The following PCNX1 variants were observed in gnomAD, a reference collection of about 807,000 sequenced individuals.
PCNX1 encodes the protein pecanex 1.
In PCNX1, 78 loss-of-function variants were observed where a neutral mutation model predicts 242.2. That is an observed-to-expected ratio of 0.32 (90% CI 0.27 to 0.39). PCNX1 has a LOEUF of 0.39. Among genes scored for constraint, PCNX1 ranks in the 10% least tolerant of loss-of-function variants. PCNX1 has a pLI of 1.00. For synonymous variants in PCNX1, 1,024 were observed against 1,032.9 expected, an observed-to-expected ratio of 0.99 and a Z score of 0.17; for missense variants, 2,581 against 2,856.5, an observed-to-expected ratio of 0.90 and a Z score of 2.20.
At chr14:70,959,383 C>T (rs1267676749) in intron 2 of PCNX1, among the ~76,000 whole-genome samples, 1 of 103,180 alleles carries the variant, frequency 9.7e-6, no homozygotes, top group Non-Finnish European at 1.8e-5. Context: ...TCCCCCCTCC[C>T]CCCACCCCAC....
In PCNX1 at chr14:71,110,000, G is replaced by T. The variant is rs1164134263; in HGVS notation, c.*65G>T. ...ATTCCAAGGCATTGGAAAAAGAGAGGAACAAGCAGAAGATGCCTGCAGGTA... is the reference window on the plus strand; with the variant it reads ...ATTCCAAGGCATTGGAAAAAGAGAGTAACAAGCAGAAGATGCCTGCAGGTA... On this transcript the variant is annotated 3_prime_UTR_variant, in exon 36 of 36. Transcript: ENST00000304743. 17 of 1,416,462 alleles carry T rather than the reference G, an allele frequency of 1.2e-5. No homozygotes were observed. The highest frequency in any genetic ancestry group is 1.7e-5 in the Non-Finnish European group (17 of 1,002,662). 87.7% of individuals were successfully genotyped at this position (1,416,462 alleles called of 1,614,324 possible).
intron 33 of PCNX1, among the ~76,000 whole-genome samples, chr14:71,105,732 A>G (rs1164624577): frequency 6.6e-6 from 1 of 151,392 alleles, no homozygotes; most frequent in Admixed American, 6.6e-5. Context: ...TAGTAGAGAC[A>G]GGGTTTCACC....
chr14:71,011,823 G>A, intron 10 of PCNX1: 1 of 351,648 alleles, frequency 2.8e-6, no homozygotes, highest in South Asian at 3.9e-5. Context: ...AGAAATGGCT[G>A]TGTTATATAT....
chr14:71,101,693 A>G (rs2062465218), intron 30 of PCNX1, among the ~76,000 whole-genome samples: 1 of 152,208 alleles, frequency 6.6e-6, no homozygotes, highest in South Asian at 2.1e-4. Context: ...ATGAATAAAG[A>G]TATGAAAAAC....
intron 13 of PCNX1, among the ~76,000 whole-genome samples, chr14:71,023,452 G>A (rs2060158982): frequency 6.6e-6 from 1 of 152,020 alleles, no homozygotes; most frequent in Non-Finnish European, 1.5e-5. Context: ...CTAAATCTTG[G>A]TTGAAAATGA....
At chr14:71,060,295 A>T (rs1341414609) in intron 26 of PCNX1, among the ~76,000 whole-genome samples, 1 of 152,210 alleles carries the variant, frequency 6.6e-6, no homozygotes, top group South Asian at 2.1e-4. Context: ...TGTACAGTAC[A>T]TAGTACTAGA....
At chr14:71,019,226 T>C in intron 12 of PCNX1, 64 bp downstream of exon 12, 1 of 1,231,534 alleles carries the variant, frequency 8.1e-7, no homozygotes. Context: ...GAGGATTTTG[T>C]AGCAATTACT....
chr14:70,948,597 A>G (rs546342082), intron 2 of PCNX1, among the ~76,000 whole-genome samples: 4 of 151,416 alleles, frequency 2.6e-5, no homozygotes, highest in Non-Finnish European at 5.9e-5. Flanking sequence ...ATATATAGAT[A>G]TGTGTATATA....
At chr14:71,016,505 CGA>C (rs2059965156) in intron 11 of PCNX1, among the ~76,000 whole-genome samples, 1 of 151,998 alleles carries the variant, frequency 6.6e-6, no homozygotes, top group African/African-American at 2.4e-5. Context: ...AGCCATAATA[CGA>C]GAGTTATTAA....
chr14:70,969,662 A>G (rs941647857), intron 5 of PCNX1, among the ~76,000 whole-genome samples: 11 of 152,026 alleles, frequency 7.2e-5, no homozygotes, highest in African/African-American at 2.2e-4. Flanking sequence ...ATCTAACCCT[A>G]TATCCCATTC....
chr14:70,967,578 A>G (rs1057090101), intron 3 of PCNX1, among the ~76,000 whole-genome samples: 6 of 152,206 alleles, frequency 3.9e-5, no homozygotes, highest in Non-Finnish European at 8.8e-5. Context: ...AAGCTCAACA[A>G]TCAGGTTTTA....
chr14:71,052,195 A>C (rs1206655672), intron 24 of PCNX1, among the ~76,000 whole-genome samples, 183 bp downstream of exon 24: 2 of 151,308 alleles, frequency 1.3e-5, no homozygotes, highest in Admixed American at 1.3e-4. Flanking sequence ...AGAGGAAATT[A>C]CTTTTTATTT....
At chr14:71,102,883 C>A (rs1043933512) in intron 31 of PCNX1, among the ~76,000 whole-genome samples, 8 of 152,042 alleles carry the variant, frequency 5.3e-5, no homozygotes, top group Non-Finnish European at 1.0e-4. Context: ...TGATAGCATA[C>A]CATGTACTTA....
At position 71,028,779 on chromosome 14, in the gene PCNX1, T is replaced by C. The variant is rs1166442505; in HGVS notation, c.3546T>C (p.Tyr1182=). 2.5e-6 allele frequency: 4 copies of C among 1,592,424 alleles called. No homozygotes were observed. Among genetic ancestry groups the C allele is most frequent in the Non-Finnish European group, 3.4e-6 (4 of 1,164,286 alleles). Reference sequence around the variant, plus strand: ...TAGCCTTATTGTATGGATTATGTTATGGGGCTTTAAAGGTGAGCAATAAAT... The same window carrying C: ...TAGCCTTATTGTATGGATTATGTTACGGGGCTTTAAAGGTGAGCAATAAAT... ...VAVALLYGLC[Y]GALKDSWDGQ... is the part of the protein sequence containing the mutation. Residue 1182 remains tyrosine, a synonymous_variant, in exon 16 of 36, where the codon TAT becomes TAC. Coordinates refer to ENST00000304743, the MANE Select transcript of PCNX1 (RefSeq NM_014982.3).
chr14:70,912,779 T>C (rs2140020214), intron 1 of PCNX1, among the ~76,000 whole-genome samples: 1 of 152,356 alleles, frequency 6.6e-6, no homozygotes, highest in South Asian at 2.1e-4. Context: ...TGCCTTTGTT[T>C]ACAGTTTGTG....
chr14:71,102,197 T>C lies in PCNX1; in HGVS notation c.5797T>C (p.Tyr1933His). ...EYKIIMLNRRYLSFRVIKVNK... is the reference protein window; with the variant it reads ...EYKIIMLNRRHLSFRVIKVNK... ...TAAAATCATCATGCTCAACAGACGC[T>C]ACCTGAGCTTCAGGGTCATTAAAGT... The change falls in exon 31 of 36, where the codon TAC (tyrosine) becomes CAC (histidine). Residue 1933 changes from tyrosine (Y) to histidine (H), a missense_variant. Coordinates refer to ENST00000304743, the MANE Select transcript of PCNX1 (RefSeq NM_014982.3). 3.1e-6 allele frequency: 5 copies of C among 1,611,804 alleles called. No homozygotes were observed. Among genetic ancestry groups the C allele is most frequent in the Non-Finnish European group, 4.2e-6 (5 of 1,177,870 alleles).
At chr14:71,109,190 C>A (rs777102503) in intron 34 of PCNX1, 144 bp downstream of exon 34, 61 of 892,004 alleles carry the variant, frequency 6.8e-5, no homozygotes, top group Non-Finnish European at 4.9e-5. Flanking sequence ...GGAAAAATTT[C>A]TTCAAACTTA....
intron 31 of PCNX1, among the ~76,000 whole-genome samples, chr14:71,102,640 T>C (rs545404177): frequency 6.6e-6 from 1 of 152,346 alleles, no homozygotes; most frequent in South Asian, 2.1e-4. Context: ...TACATTTGTC[T>C]TTCTTGTTTA....
At chr14:70,960,765 C>T (rs2058181256) in intron 2 of PCNX1, among the ~76,000 whole-genome samples, 1 of 152,004 alleles carries the variant, frequency 6.6e-6, no homozygotes, top group Non-Finnish European at 1.5e-5. Context: ...TCTAGAAAAC[C>T]CCATTGTCTC....
Sources: allele counts gnomAD v4.1 joint callset (sites outside exome capture counted in the v4.1 genomes callset), GRCh38; gene constraint gnomAD v4.1.1; transcripts MANE v1.5; gene names NCBI Gene and HGNC (gene_info 2026-07-23, HGNC 2026-07-21).